The following GCSAML variants were observed in gnomAD, a reference collection of about 807,000 sequenced individuals.
The protein encoded by GCSAML is germinal center-associated signaling and motility-like protein.
A neutral mutation model predicts 13.0 loss-of-function variants in GCSAML; 9 were observed. The ratio of observed to expected loss-of-function variants is 0.69; its 90% CI spans 0.42 to 1.21. The LOEUF (loss-of-function observed/expected upper bound fraction) is 1.21. GCSAML is among the 50% of genes most tolerant of loss of function. The probability of loss-of-function intolerance (pLI) is 0.00; values close to 1 mark genes in which losing one functional copy is unlikely to be tolerated. For missense variants in GCSAML, 143 were observed against 153.4 expected (o/e 0.93, Z 0.36); for synonymous variants, 37 against 52.9 (o/e 0.70, Z 1.31).
At chr1:247,553,584 T>C (rs1418539489) in intron 1 of GCSAML, among the ~76,000 whole-genome samples, 1 of 152,238 alleles carries the variant, frequency 6.6e-6, no homozygotes, top group African/African-American at 2.4e-5. Context: ...AATAAGGAGA[T>C]TCTACTTTTT....
intron 2 of GCSAML, among the ~76,000 whole-genome samples, chr1:247,539,556 G>A (rs1667337486): frequency 6.6e-6 from 1 of 152,002 alleles, no homozygotes. Context: ...GTGACCTTTA[G>A]CTATGAAAAT....
chr1:247,539,877 G>T (rs1403427860), intron 2 of GCSAML, among the ~76,000 whole-genome samples: 1 of 152,110 alleles, frequency 6.6e-6, no homozygotes, highest in Non-Finnish European at 1.5e-5. Context: ...ACCCCATGTT[G>T]TTTCATAATC....
At chr1:247,518,983 T>C (rs1572287024) in intron 1 of GCSAML, among the ~76,000 whole-genome samples, 1 of 151,612 alleles carries the variant, frequency 6.6e-6, no homozygotes, top group Non-Finnish European at 1.5e-5. Context: ...AGCAAAACCC[T>C]ATCTCTAAAA....
chr1:247,543,086 A>C (rs1344554570), intron 2 of GCSAML, among the ~76,000 whole-genome samples: 1 of 152,240 alleles, frequency 6.6e-6, no homozygotes, highest in Non-Finnish European at 1.5e-5. Context: ...GGCCTTACTC[A>C]GTCTCAGGGC....
intron 2 of GCSAML, chr1:247,530,603 A>G (rs1426324834): frequency 1.3e-5 from 2 of 151,794 alleles, no homozygotes; most frequent in African/African-American, 2.4e-5. Flanking sequence ...TAATTTTAAC[A>G]TGTATCAGGT....
chr1:247,548,490 CT>C (rs937404645), upstream of GCSAML, among the ~76,000 whole-genome samples: 7 of 152,044 alleles, frequency 4.6e-5, no homozygotes, highest in Non-Finnish European at 7.4e-5. The surrounding 1 kb of genome is among the most constrained non-coding windows in gnomAD (Gnocchi z 5.3). Context: ...TATTCTCATC[CT>C]TTTTTTTCCT....
intron 4 of GCSAML, among the ~76,000 whole-genome samples, chr1:247,570,957 A>G (rs945392116): frequency 1.3e-4 from 20 of 152,262 alleles, no homozygotes; most frequent in African/African-American, 4.6e-4. Context: ...CTTTACCGTT[A>G]TGTAATGGCC....
chr1:247,524,888 AC>A (rs1312151956), intron 1 of GCSAML: 2 of 152,222 alleles, frequency 1.3e-5, no homozygotes, highest in African/African-American at 2.4e-5. Flanking sequence ...TAAGAAAAAA[AC>A]AATTTATTGA....
At chr1:247,509,870 T>C (rs975397069) in intron 1 of GCSAML, among the ~76,000 whole-genome samples, 3 of 151,116 alleles carry the variant, frequency 2.0e-5, no homozygotes, top group African/African-American at 7.3e-5. Flanking sequence ...TATTAGTGGA[T>C]AAGCTTTTTG....
chr1:247,569,539 C>T (rs943178338), intron 4 of GCSAML, among the ~76,000 whole-genome samples: 9 of 152,214 alleles, frequency 5.9e-5, no homozygotes, highest in Non-Finnish European at 1.3e-4. Context: ...ACCAGTCTTG[C>T]ATCCCAGGGA....
intron 1 of GCSAML, chr1:247,525,723 T>C (rs1163154509): frequency 6.6e-6 from 1 of 152,212 alleles, no homozygotes; most frequent in Non-Finnish European, 1.5e-5. Context: ...CACTGGCCAT[T>C]GGTGTTCTGC....
At chr1:247,566,969 C>T (rs1384715962) in intron 4 of GCSAML, among the ~76,000 whole-genome samples, 1 of 151,662 alleles carries the variant, frequency 6.6e-6, no homozygotes, top group East Asian at 1.9e-4. Flanking sequence ...AAGTGCTTTT[C>T]CCTGGATAGT....
At chr1:247,557,698 G>A (rs1668002042) in intron 2 of GCSAML, among the ~76,000 whole-genome samples, 1 of 152,152 alleles carries the variant, frequency 6.6e-6, no homozygotes, top group Non-Finnish European at 1.5e-5. Flanking sequence ...AGCCCTCAGG[G>A]ACAGTGGAGT....
chr1:247,543,037 G>A (rs968643757), intron 2 of GCSAML, among the ~76,000 whole-genome samples: 35 of 152,138 alleles, frequency 2.3e-4, no homozygotes, highest in Non-Finnish European at 1.3e-4. Flanking sequence ...CTAACTGCAG[G>A]ATCTAATCAA....
At position 247,519,088 on chromosome 1, in the gene GCSAML, C is replaced by G. The variant is rs1486314993; in HGVS notation, c.-262-7852C>G. ...ACAAAAACAAAAACAAACAAACAAA[C>G]AAACAAAAAGCGGCAGGGATGTGAA... On this transcript the variant is annotated intron_variant, in intron 1 of 5. Transcript: ENST00000366489. 2.6e-5 allele frequency: 4 copies of G among 152,452 alleles called. No individual in the cohort carries two copies. In the South Asian group the frequency reaches 8.3e-4, roughly 32 times the overall value. The allele number at this position is 152,452 out of a possible 1,614,324, so 9.4% of individuals were successfully genotyped here. A position where few individuals can be genotyped will look rare whatever the true frequency, so the allele number is the denominator to read the frequency against.
intron 1 of GCSAML, among the ~76,000 whole-genome samples, chr1:247,511,089 G>A (rs113678499): frequency 0.024 from 3,695 of 152,150 alleles, 151 homozygotes; most frequent in African/African-American, 0.084. Context: ...TTGACAGTGA[G>A]GTGTTAAAGT....
intron 2 of GCSAML, among the ~76,000 whole-genome samples, chr1:247,539,516 AT>A (rs914354101): frequency 9.2e-5 from 14 of 151,626 alleles, no homozygotes; most frequent in Non-Finnish European, 1.3e-4. Context: ...TGGCAGTTTT[AT>A]TTTTTTTTAT....
rs757352296 is a variant in GCSAML at position 247,563,577 on chromosome 1, T to C, written c.90-13T>C. On this transcript the variant is annotated splice_polypyrimidine_tract_variant and intron_variant, in intron 2 of 4. Transcript: ENST00000366488. Reference sequence around the variant, plus strand: ...ACCTGGAGTATCTCATGTTACTATCTCTTTCCTTGTAGGCAGGAAATGACT... The same window carrying C: ...ACCTGGAGTATCTCATGTTACTATCCCTTTCCTTGTAGGCAGGAAATGACT... 1.3e-6 allele frequency: 2 copies of C among 1,551,046 alleles called. No individual in the cohort carries two copies. Among genetic ancestry groups the C allele is most frequent in the South Asian group, 1.1e-5 (1 of 88,282 alleles).
At chr1:247,534,313 A>G (rs189653012) in intron 2 of GCSAML, among the ~76,000 whole-genome samples, 1 of 152,310 alleles carries the variant, frequency 6.6e-6, no homozygotes, top group East Asian at 1.9e-4. Context: ...CTTAATCAAT[A>G]TTCATGGACG....
Sources: gnomAD v4.1 joint callset for allele counts (sites outside exome capture counted in the v4.1 genomes callset) on GRCh38, gnomAD v4.1.1 for gene constraint, Gnocchi (gnomAD v3.1) non-coding constraint, MANE v1.5 for transcripts, NCBI Gene and HGNC (gene_info 2026-07-23, HGNC 2026-07-21) for gene names.